Variants in TMEM245 observed in about 807,000 individuals in gnomAD.
The protein encoded by TMEM245 is protein CG-2.
Under a neutral mutation model 101.2 loss-of-function variants are expected in TMEM245, and 69 were observed. That is an observed-to-expected ratio of 0.68 (90% CI 0.56 to 0.83). TMEM245 has a LOEUF of 0.83. TMEM245 is among the 40% of genes least tolerant of loss of function. TMEM245 has a pLI of 0.00. For missense variants in TMEM245, 1,075 were observed against 1,092.8 expected (o/e 0.98, Z 0.23); for synonymous variants, 537 against 449.8 (o/e 1.19, Z -2.45).
intron 8 of TMEM245, among the ~76,000 whole-genome samples, chr9:109,078,147 C>T (rs955830924): frequency 1.3e-5 from 2 of 152,076 alleles, no homozygotes; most frequent in East Asian, 3.8e-4. Flanking sequence ...GACTTATATC[C>T]AGGAAAATAT....
At chr9:109,083,916 A>AAAAAAAAAAAAAAAAAAAAAC (rs1554725101) in intron 7 of TMEM245, among the ~76,000 whole-genome samples, 7 of 132,580 alleles carry the variant, frequency 5.3e-5, no homozygotes, top group East Asian at 2.5e-4. Flanking sequence ...AAAAAAAAAA[A>AAAAAAAAAAAAAAAAAAAAAC]AAAAAAAAAA....
At chr9:109,054,976 A>T (rs1309339224) in intron 12 of TMEM245, among the ~76,000 whole-genome samples, 3 of 152,228 alleles carry the variant, frequency 2.0e-5, no homozygotes, top group Non-Finnish European at 4.4e-5. Flanking sequence ...TCATTACTCA[A>T]TATTTAAATG....
intron 17 of TMEM245, among the ~76,000 whole-genome samples, chr9:109,020,748 T>C (rs1388449395): frequency 6.6e-6 from 1 of 152,224 alleles, no homozygotes; most frequent in Non-Finnish European, 1.5e-5. Context: ...ACCACGTGAC[T>C]ACGCTTTGGT....
chr9:109,080,128 T>TA (rs1037753139), intron 8 of TMEM245, among the ~76,000 whole-genome samples: 19 of 151,898 alleles, frequency 1.3e-4, no homozygotes, highest in Non-Finnish European at 7.4e-5. Flanking sequence ...ACTAAAGGAA[T>TA]AAAAAAAATT....
At chr9:109,113,087 G>A (rs1489973274) in intron 1 of TMEM245, among the ~76,000 whole-genome samples, 1 of 152,158 alleles carries the variant, frequency 6.6e-6, no homozygotes, top group African/African-American at 2.4e-5. Context: ...GCGGGGCCAG[G>A]GGCAGGGCGG....
chr9:109,022,033 TCTCTC>T (rs1268226936), intron 17 of TMEM245, among the ~76,000 whole-genome samples: 1 of 152,114 alleles, frequency 6.6e-6, no homozygotes, highest in African/African-American at 2.4e-5. Context: ...TTACTCCTTT[TCTCTC>T]CTCTCAATTC....
chr9:109,095,585 T>G (rs2583373), intron 3 of TMEM245, among the ~76,000 whole-genome samples: 10,408 of 152,224 alleles, frequency 0.068, 465 homozygotes, highest in African/African-American at 0.11. Context: ...GAACACCACA[T>G]GAAGGACTTT....
rs527623377 is a variant in TMEM245, at chr9:109,047,811, G to C, written c.2123+2472C>G. Among the ~76,000 whole-genome samples, 10 of 152,276 alleles carry C rather than the reference G, an allele frequency of 6.6e-5. No homozygotes were observed. In the East Asian group the frequency reaches 1.5e-3, roughly 23 times the overall value. ...AGGTAGATATTTTTCTGCAAAGCTT[G>C]GCTTAAGCCACACTGACTGGAGAAT... On this transcript the variant is annotated intron_variant, in intron 14 of 17. Transcript: ENST00000374586.
At position 109,095,462 on chromosome 9, in the gene TMEM245, G is replaced by A. The variant is rs1016371474; in HGVS notation, c.800-1871C>T. On this transcript the variant is annotated intron_variant, in intron 3 of 17. Transcript: ENST00000374586. ...AGAAGGAAAGCTGTGAGAAGAACCC[G>A]GCATATTAAAGACAGTGAAAGAAGG... Among the ~76,000 whole-genome samples the A allele has an allele frequency of 9.9e-5, 15 of 152,138 alleles. No homozygotes were observed. The South Asian group carries it at 1.0e-3, about 11-fold the overall frequency.
chr9:109,045,664 A>C (rs1828468036), intron 14 of TMEM245, among the ~76,000 whole-genome samples: 2 of 152,220 alleles, frequency 1.3e-5, no homozygotes, highest in South Asian at 4.1e-4. Context: ...CACTAAAATG[A>C]ATTTAGCAGT....
At chr9:109,038,142 AAG>A (rs1828194665) in intron 14 of TMEM245, 25 bp from the exon 15 acceptor site, 2 of 1,576,978 alleles carry the variant, frequency 1.3e-6, no homozygotes, top group East Asian at 4.5e-5. Flanking sequence ...GATAAAAAGA[AAG>A]AGTAAATAAA....
intron 7 of TMEM245, among the ~76,000 whole-genome samples, chr9:109,082,328 T>C (rs1829689295): frequency 1.3e-5 from 2 of 148,828 alleles, no homozygotes; most frequent in African/African-American, 2.5e-5. Context: ...TCAAAGACAA[T>C]GCAGAGACTT....
At chr9:109,089,891 A>G (rs1395561178) in intron 5 of TMEM245, among the ~76,000 whole-genome samples, 2 of 152,224 alleles carry the variant, frequency 1.3e-5, no homozygotes, top group Admixed American at 6.5e-5. Flanking sequence ...GCATACATGT[A>G]TTTCTCAAAG....
chr9:109,028,367 T>C (rs1329018761), intron 17 of TMEM245, among the ~76,000 whole-genome samples: 1 of 150,752 alleles, frequency 6.6e-6, no homozygotes, highest in African/African-American at 2.4e-5. Flanking sequence ...GGCGGGAGAA[T>C]CATTTGAATC....
rs1232569990 is a variant in TMEM245 at position 109,060,399 on chromosome 9, T to C, written c.1677A>G (p.Gln559=). Reference sequence around the variant, plus strand: ...ACAGTCTGTCCCAAAGTTCTAGTACTTGCTTTTCAATTACAGCAGTATTGT... The same window carrying C: ...ACAGTCTGTCCCAAAGTTCTAGTACCTGCTTTTCAATTACAGCAGTATTGT... ...KVNNTAVIEK[Q]VLELWDRLYH... The change falls in exon 11 of 18, where the codon CAA becomes CAG. Residue 559 remains glutamine, a synonymous_variant. Transcript: ENST00000374586. The C allele has an allele frequency of 6.2e-7, 1 of 1,613,770 alleles. No homozygotes were observed. Among genetic ancestry groups the C allele is most frequent in the African/African-American group, 1.3e-5 (1 of 74,944 alleles).
intron 14 of TMEM245, among the ~76,000 whole-genome samples, chr9:109,048,823 G>C (rs1470651255): frequency 2.6e-5 from 4 of 152,210 alleles, no homozygotes; most frequent in Non-Finnish European, 5.9e-5. Flanking sequence ...AACAAAGCCT[G>C]TAAATACATG....
intron 7 of TMEM245, among the ~76,000 whole-genome samples, chr9:109,084,515 G>T (rs1266603418): frequency 1.3e-5 from 2 of 152,160 alleles, no homozygotes; most frequent in African/African-American, 4.8e-5. Flanking sequence ...TTAATCCAAT[G>T]AATTTAATTC....
intron 17 of TMEM245, among the ~76,000 whole-genome samples, chr9:109,023,922 T>C (rs1020471763): frequency 3.9e-5 from 6 of 152,106 alleles, no homozygotes; most frequent in African/African-American, 1.4e-4. Context: ...GTTAACATTT[T>C]ACACCTCCTT....
At position 109,104,049 on chromosome 9, in the gene TMEM245, C is replaced by A. The variant is rs149490744; in HGVS notation, c.799+2459G>T. ...GCAGTGAGCTGAGATCATGCCACTG[C>A]ACTCCAGCCCGGCCAACAGAACGAG... On this transcript the variant is annotated intron_variant, in intron 3 of 17. Coordinates refer to ENST00000374586, the MANE Select transcript of TMEM245 (RefSeq NM_032012.4). Among the ~76,000 whole-genome samples, 814 of 151,942 alleles carry A rather than the reference C, an allele frequency of 5.4e-3. 15 individuals are homozygous for A. Among genetic ancestry groups the A allele is most frequent in the East Asian group, 0.026 (133 of 5,156 alleles).
Sources: gnomAD v4.1 joint callset for allele counts (sites outside exome capture counted in the v4.1 genomes callset) on GRCh38, gnomAD v4.1.1 for gene constraint, MANE v1.5 for transcripts, NCBI Gene and HGNC (gene_info 2026-07-23, HGNC 2026-07-21) for gene names.